RAB11FIP1: variants seen among roughly 807,000 people sequenced by gnomAD.
RAB11FIP1 encodes the protein RAB11 family interacting protein 1.
RAB11FIP1 carries 49 observed loss-of-function variants against 83.1 expected under a neutral mutation model. The observed-to-expected ratio is 0.59, with a 90% CI of 0.47 to 0.75. RAB11FIP1 has a LOEUF of 0.75. Ranked by LOEUF, RAB11FIP1 falls within the 30% of genes least tolerant of loss-of-function variation. The pLI is 0.00. For missense variants in RAB11FIP1, 1,536 were observed against 1,598.7 expected, an observed-to-expected ratio of 0.96 and a Z score of 0.67; for synonymous variants, 670 against 656.0, an observed-to-expected ratio of 1.02 and a Z score of -0.33.
chr8:37,878,489 G>A (rs962996610), intron 1 of RAB11FIP1, among the ~76,000 whole-genome samples: 15 of 130,898 alleles, frequency 1.1e-4, no homozygotes, highest in African/African-American at 4.2e-4. Context: ...AGCCGAGATC[G>A]CACCACTGCA....
At chr8:37,886,873 A>G (rs1806845793) in intron 1 of RAB11FIP1, among the ~76,000 whole-genome samples, 1 of 152,230 alleles carries the variant, frequency 6.6e-6, no homozygotes, top group African/African-American at 2.4e-5. Flanking sequence ...GTGATTGCAT[A>G]TGGGTAAAAC....
In RAB11FIP1 at chr8:37,874,554, G is replaced by A; in HGVS notation, c.1583C>T (p.Ser528Phe). The A allele has an allele frequency of 6.2e-7, 1 of 1,614,206 alleles. No individual in the cohort carries two copies. Among genetic ancestry groups the A allele is most frequent in the South Asian group, 1.1e-5 (1 of 91,074 alleles). Residue 528 changes from serine (S) to phenylalanine (F), a missense_variant, in exon 3 of 6, where the codon TCC becomes TTC. Transcript: ENST00000330843. ...ESKSEPRPPI[S>F]SPRAPQTRAV... ...TCTGGTCTGGGGAGCCCTCGGAGAG[G>A]AAATTGGAGGTCTCGGTTCAGACTT...
chr8:37,873,791 A>G (rs1806536455), intron 3 of RAB11FIP1, among the ~76,000 whole-genome samples: 1 of 152,196 alleles, frequency 6.6e-6, no homozygotes, highest in Admixed American at 6.5e-5. Flanking sequence ...TGCACCTAAA[A>G]GGTTTAAAGT....
At position 37,890,255 on chromosome 8, in the gene RAB11FIP1, A is replaced by G. The variant is rs896018931; in HGVS notation, c.371+8816T>C. Among the ~76,000 whole-genome samples, 4 of 152,166 alleles carry G rather than the reference A, an allele frequency of 2.6e-5. No homozygotes were observed. The South Asian group carries it at 8.3e-4, about 31-fold the overall frequency. On this transcript the variant is annotated intron_variant, in intron 1 of 5. Transcript: ENST00000330843. Reference sequence around the variant, plus strand: ...CACAGGATGCCCATTCTTTTATAATAACCAGAGGCCTCTTTAGACCAGGCT... The same window carrying G: ...CACAGGATGCCCATTCTTTTATAATGACCAGAGGCCTCTTTAGACCAGGCT...
rs536318057 is a variant in RAB11FIP1, at chr8:37,867,630, C to G, written c.3633+2790G>C. Among the ~76,000 whole-genome samples the G allele has an allele frequency of 4.0e-5, 6 of 151,800 alleles. No individual in the cohort carries two copies. In the South Asian group the frequency reaches 1.3e-3, roughly 32 times the overall value. On this transcript the variant is annotated intron_variant, in intron 5 of 5. Coordinates refer to ENST00000330843, the MANE Select transcript of RAB11FIP1 (RefSeq NM_001002814.3). ...GCTGAGGCATAAGAATTGCTTGAAC[C>G]TGGGAGGTAGAGGTTGCAGTGAGCT...
chr8:37,862,986 T>C lies in RAB11FIP1; in HGVS notation c.3761A>G (p.Tyr1254Cys), dbSNP rs768000621. 2 of 1,614,038 alleles carry C rather than the reference T, an allele frequency of 1.2e-6. No homozygotes were observed. Among genetic ancestry groups the C allele is most frequent in the Non-Finnish European group, 1.7e-6 (2 of 1,180,016 alleles). Residue 1254 changes from tyrosine (Y) to cysteine (C), a missense_variant, in exon 6 of 6, where the codon TAC becomes TGC. By Grantham distance (194) the Tyr-to-Cys change is radical (BLOSUM62 -2). Transcript: ENST00000330843. ...GACCCTGACAAGCAGGTTGTCAATGTAGTCTTCCAGCTCGCGGACCTGGAA... is the reference window on the plus strand; with the variant it reads ...GACCCTGACAAGCAGGTTGTCAATGCAGTCTTCCAGCTCGCGGACCTGGAA... ...KEFQVRELED[Y>C]IDNLLVRVME...
chr8:37,869,521 G>C (rs879310945), intron 5 of RAB11FIP1, among the ~76,000 whole-genome samples: 4 of 152,134 alleles, frequency 2.6e-5, no homozygotes, highest in African/African-American at 7.2e-5. Context: ...AAACCCAGGA[G>C]GGGGAGGTTG....
At chr8:37,881,229 A>T (rs576355857) in intron 1 of RAB11FIP1, among the ~76,000 whole-genome samples, 38 of 152,210 alleles carry the variant, frequency 2.5e-4, no homozygotes, top group Non-Finnish European at 4.4e-4. Context: ...AGGTCTGAGA[A>T]CTGGCACAAG....
At chr8:37,885,220 C>T (rs766447882) in intron 1 of RAB11FIP1, among the ~76,000 whole-genome samples, 2 of 152,230 alleles carry the variant, frequency 1.3e-5, no homozygotes, top group South Asian at 2.1e-4. Context: ...GTCTCGAACT[C>T]CTGACTTCAG....
intron 1 of RAB11FIP1, among the ~76,000 whole-genome samples, chr8:37,879,900 TG>T (rs1270548917): frequency 2.6e-5 from 4 of 152,048 alleles, no homozygotes; most frequent in African/African-American, 9.7e-5. Flanking sequence ...CAGGTTAAAA[TG>T]GTAAATTTAA....
At position 37,862,855 on chromosome 8, in the gene RAB11FIP1, T is replaced by G. The variant is rs1334972343; in HGVS notation, c.*40A>C. On this transcript the variant is annotated 3_prime_UTR_variant, in exon 6 of 6. Coordinates refer to ENST00000330843, the MANE Select transcript of RAB11FIP1 (RefSeq NM_001002814.3). ...CCTTGACCCCTGGAGCAGGTGAAAG[T>G]GAAGTCACAGAAACGTCTCGGTGTT... The G allele has an allele frequency of 1.9e-6, 3 of 1,540,596 alleles. No homozygotes were observed. In the African/African-American group the frequency reaches 4.1e-5, roughly 21 times the overall value.
At chr8:37,869,041 A>G (rs1289184934) in intron 5 of RAB11FIP1, among the ~76,000 whole-genome samples, 1 of 151,998 alleles carries the variant, frequency 6.6e-6, no homozygotes. Flanking sequence ...CAGCCTGAGC[A>G]ACATGATGAA....
intron 1 of RAB11FIP1, among the ~76,000 whole-genome samples, chr8:37,895,239 ATATATATATATATATATATATTTTTTT>A (rs1807046204): frequency 2.7e-4 from 2 of 7,356 alleles, no homozygotes; most frequent in African/African-American, 9.5e-4. Flanking sequence ...ATATATATAT[ATATATATATATATATATATATTTTTTT>A]TTTTTTTTTT....
chr8:37,873,692 G>C (rs1806534512), intron 3 of RAB11FIP1, among the ~76,000 whole-genome samples: 1 of 152,030 alleles, frequency 6.6e-6, no homozygotes, highest in African/African-American at 2.4e-5. Context: ...TGTTGCAATA[G>C]AAATGAAAAG....
chr8:37,895,760 A>G (rs1807076500), intron 1 of RAB11FIP1, among the ~76,000 whole-genome samples: 1 of 152,134 alleles, frequency 6.6e-6, no homozygotes, highest in Non-Finnish European at 1.5e-5. Flanking sequence ...ACAAATGGAA[A>G]TATTTGCACA....
intron 1 of RAB11FIP1, among the ~76,000 whole-genome samples, chr8:37,890,489 G>A (rs998832195): frequency 6.6e-6 from 1 of 152,038 alleles, no homozygotes; most frequent in Non-Finnish European, 1.5e-5. Flanking sequence ...TGTCCCCCAG[G>A]AACACCCTGG....
intron 4 of RAB11FIP1, 180 bp downstream of exon 4, chr8:37,871,098 C>T: frequency 4.3e-6 from 3 of 699,294 alleles, no homozygotes; most frequent in Non-Finnish European, 6.9e-6. Flanking sequence ...TATGTTCTTG[C>T]TATAAACGCA....
rs562293607 is a variant in RAB11FIP1 at position 37,861,890 on chromosome 8, G to A, written c.*1005C>T. ...AGGCATGAGCCACCACGACTGGCCT[G>A]AAGGGGCTTCTTCATCTTGGGGAGT... On this transcript the variant is annotated 3_prime_UTR_variant, in exon 6 of 6. Coordinates refer to ENST00000330843, the MANE Select transcript of RAB11FIP1 (RefSeq NM_001002814.3). The A allele has an allele frequency of 3.0e-3, 685 of 230,552 alleles. 2 individuals are homozygous for A. Among genetic ancestry groups the A allele is most frequent in the Non-Finnish European group, 4.6e-3 (523 of 113,912 alleles). 14.3% of individuals were successfully genotyped at this position (230,552 alleles called of 1,614,324 possible).
rs140404645 is a variant in RAB11FIP1, at chr8:37,858,990, G to A, written c.*3905C>T. 3.3e-5 allele frequency: 5 copies of A among 152,264 alleles called. No individual in the cohort carries two copies. The East Asian group carries it at 9.7e-4, about 29-fold the overall frequency. The allele number at this position is 152,264 out of a possible 1,614,324, so 9.4% of individuals were successfully genotyped here. A position where few individuals can be genotyped will look rare whatever the true frequency, so the allele number is the denominator to read the frequency against. ...CATTTTATTTAGTGTTGTAGGAAAT[G>A]TTGGGTTACTTCTTAAAAACGAAAC... is the stretch of plus-strand genomic sequence containing the variant. On this transcript the variant is annotated 3_prime_UTR_variant, in exon 6 of 6. Transcript: ENST00000330843.
Sources: allele counts gnomAD v4.1 joint callset (sites outside exome capture counted in the v4.1 genomes callset), GRCh38; gene constraint gnomAD v4.1.1; transcripts MANE v1.5; gene names NCBI Gene and HGNC (gene_info 2026-07-23, HGNC 2026-07-21).